The following BLTP3B variants were observed in gnomAD, a reference collection of about 807,000 sequenced individuals.
The protein encoded by BLTP3B is bridge-like lipid transfer protein family member 3B, also known as UHRF1 (ICBP90) binding protein 1-like.
the BLTP3B span, chr12:100,095,745 T>C: frequency 6.2e-7 from 1 of 1,613,766 alleles, no homozygotes; most frequent in South Asian, 1.1e-5. Flanking sequence ...TTGCATATTG[T>C]ACCATAGCTT....
the BLTP3B span, among the ~76,000 whole-genome samples, chr12:100,094,038 T>C: frequency 3.3e-5 from 5 of 152,228 alleles, no homozygotes; most frequent in Admixed American, 6.5e-5. Context: ...TCTGTGTTTC[T>C]GTAGTCCCTA....
the BLTP3B span, among the ~76,000 whole-genome samples, chr12:100,069,207 A>G: frequency 6.6e-6 from 1 of 152,174 alleles, no homozygotes; most frequent in African/African-American, 2.4e-5. Context: ...GTAAGACTCC[A>G]TCTCAAAAAA....
the BLTP3B span, chr12:100,037,620 T>A: frequency 1.9e-6 from 3 of 1,607,034 alleles, no homozygotes; most frequent in Non-Finnish European, 1.7e-6. Flanking sequence ...AATTTCAGTT[T>A]TGACTGCCAC....
chr12:100,142,689 C>T, the BLTP3B span: 1 of 1,574,900 alleles, frequency 6.3e-7, no homozygotes, highest in South Asian at 1.2e-5. Flanking sequence ...TGCCTCCTCT[C>T]TTCGTGGCCG....
At chr12:100,113,611 T>C in the BLTP3B span, among the ~76,000 whole-genome samples, 7 of 152,184 alleles carry the variant, frequency 4.6e-5, no homozygotes, top group Non-Finnish European at 7.3e-5. Context: ...TGTAAAATGC[T>C]AGTTATGATC....
chr12:100,107,127 A>C, the BLTP3B span, among the ~76,000 whole-genome samples: 1 of 151,810 alleles, frequency 6.6e-6, no homozygotes, highest in African/African-American at 2.4e-5. Flanking sequence ...ATCTCTACTA[A>C]AAATACGAAA....
the BLTP3B span, chr12:100,098,693 G>A: frequency 1.4e-6 from 1 of 703,840 alleles, no homozygotes; most frequent in Non-Finnish European, 2.2e-6. Flanking sequence ...CTTGAGGCCA[G>A]GAGTTCAAGC....
the BLTP3B span, among the ~76,000 whole-genome samples, chr12:100,041,011 C>T: frequency 6.6e-6 from 1 of 152,098 alleles, no homozygotes; most frequent in African/African-American, 2.4e-5. Context: ...CAAAAAAACC[C>T]CACAAGAACA....
chr12:100,060,086 T>C, the BLTP3B span: 1 of 1,429,508 alleles, frequency 7.0e-7, no homozygotes, highest in Non-Finnish European at 9.3e-7. Flanking sequence ...AATTGGATGG[T>C]TCTAAATCTT....
chr12:100,121,462 C>T, the BLTP3B span, among the ~76,000 whole-genome samples: 537 of 151,680 alleles, frequency 3.5e-3, 4 homozygotes, highest in African/African-American at 0.012. Flanking sequence ...TACAAAGGAG[C>T]ATGAGGAAAC....
At chr12:100,080,558 G>C in the BLTP3B span, among the ~76,000 whole-genome samples, 51 of 152,258 alleles carry the variant, frequency 3.3e-4, no homozygotes, top group African/African-American at 1.1e-3. Context: ...ATTTGCATGG[G>C]GCCTGTAGCC....
the BLTP3B span, among the ~76,000 whole-genome samples, chr12:100,045,526 T>A: frequency 4.2e-5 from 6 of 142,560 alleles, no homozygotes; most frequent in Non-Finnish European, 7.4e-5. Flanking sequence ...GCTAGCCATA[T>A]GTAGAAAGCT....
the BLTP3B span, among the ~76,000 whole-genome samples, chr12:100,090,914 A>C: frequency 3.3e-5 from 5 of 152,112 alleles, no homozygotes; most frequent in African/African-American, 4.8e-5. Flanking sequence ...AAAAATATAA[A>C]CATTTATCTA....
the BLTP3B span, among the ~76,000 whole-genome samples, chr12:100,050,619 C>T: frequency 6.6e-6 from 1 of 152,072 alleles, no homozygotes; most frequent in African/African-American, 2.4e-5. Flanking sequence ...AAACCATTAG[C>T]TTGGGCAACA....
At chr12:100,086,377 G>T in the BLTP3B span, 15 of 736,716 alleles carry the variant, frequency 2.0e-5, no homozygotes, top group Admixed American at 2.9e-5. Context: ...AAAAAAGGGG[G>T]GGGGGGAAAT....
the BLTP3B span, chr12:100,086,380 G>A: frequency 7.4e-6 from 5 of 674,608 alleles, no homozygotes; most frequent in Admixed American, 3.0e-5. Context: ...AAAGGGGGGG[G>A]GGGAAATATT....
At chr12:100,059,039 C>T in the BLTP3B span, 3 of 1,613,976 alleles carry the variant, frequency 1.9e-6, no homozygotes, top group African/African-American at 4.0e-5. Flanking sequence ...TTAGAGATAC[C>T]TGATTACAAG....
At chr12:100,138,932 C>T in the BLTP3B span, among the ~76,000 whole-genome samples, 1 of 152,312 alleles carries the variant, frequency 6.6e-6, no homozygotes, top group South Asian at 2.1e-4. Context: ...TTTCCTTTCT[C>T]ACATTTGTTA....
the BLTP3B span, among the ~76,000 whole-genome samples, chr12:100,093,401 A>C: frequency 1.3e-5 from 2 of 152,174 alleles, no homozygotes; most frequent in African/African-American, 4.8e-5. Flanking sequence ...AGGATTCACA[A>C]AGTGATCTAC....
Sources: allele counts gnomAD v4.1 joint callset (sites outside exome capture counted in the v4.1 genomes callset), GRCh38; gene constraint gnomAD v4.1.1; transcripts MANE v1.5; gene names NCBI Gene and HGNC (gene_info 2026-07-23, HGNC 2026-07-21).